DLG2: variants seen among roughly 807,000 people sequenced by gnomAD.
DLG2 encodes the protein discs large MAGUK scaffold protein 2.
Under a neutral mutation model 132.5 loss-of-function variants are expected in DLG2, and 45 were observed. The observed-to-expected ratio is 0.34, with a 90% CI of 0.27 to 0.44. The LOEUF is 0.44. DLG2 is among the 20% of genes least tolerant of loss of function. The probability of loss-of-function intolerance (pLI) is 1.00; values close to 1 mark genes in which losing one functional copy is unlikely to be tolerated. For missense variants in DLG2, 1,045 were observed against 1,196.9 expected, an observed-to-expected ratio of 0.87 and a Z score of 1.87; for synonymous variants, 424 against 419.6, an observed-to-expected ratio of 1.01 and a Z score of -0.13.
chr11:83,536,300 G>A (rs1366220887), intron 20 of DLG2, among the ~76,000 whole-genome samples: 1 of 152,148 alleles, frequency 6.6e-6, no homozygotes, highest in African/African-American at 2.4e-5. Flanking sequence ...ATGGAAATCT[G>A]CTTAGTTAAA....
chr11:85,289,271 C>A (rs539856440), intron 3 of DLG2, among the ~76,000 whole-genome samples: 3 of 152,156 alleles, frequency 2.0e-5, no homozygotes, highest in African/African-American at 7.2e-5. Context: ...CTCTTTTGCA[C>A]CCTCTTTCCT....
chr11:85,553,295 T>C (rs964159937), intron 3 of DLG2, among the ~76,000 whole-genome samples: 108 of 151,782 alleles, frequency 7.1e-4, no homozygotes, highest in African/African-American at 2.5e-3. Context: ...ACTTTTTATA[T>C]GCCAAACACT....
Position 84,575,641 on chromosome 11 carries a change from G to A in DLG2, c.358-40910C>T, listed in dbSNP as rs557602534. Among the ~76,000 whole-genome samples the A allele has an allele frequency of 3.8e-4, 58 of 152,236 alleles. 1 individual carries two copies. In the South Asian group the frequency reaches 0.012, roughly 30 times the overall value. On this transcript the variant is annotated intron_variant, in intron 6 of 27. Coordinates refer to ENST00000376104, the MANE Select transcript of DLG2 (RefSeq NM_001142699.3). ...GCATAATAATCACATCATAGTAAGTGGGGTATCTAACATCTCAAGTATGTA... is the reference window on the plus strand; with the variant it reads ...GCATAATAATCACATCATAGTAAGTAGGGTATCTAACATCTCAAGTATGTA...
chr11:83,721,738 TGTC>T (rs1212683982), intron 18 of DLG2, among the ~76,000 whole-genome samples: 3 of 152,244 alleles, frequency 2.0e-5, no homozygotes, highest in African/African-American at 4.8e-5. Context: ...ACTATGGGAA[TGTC>T]GACCTCAACG....
At chr11:84,722,751 G>C (rs2061974777) in intron 6 of DLG2, among the ~76,000 whole-genome samples, 1 of 152,172 alleles carries the variant, frequency 6.6e-6, no homozygotes. Context: ...AAGACCCTCA[G>C]AGTTGAGTTA....
intron 19 of DLG2, among the ~76,000 whole-genome samples, chr11:83,546,230 T>C (rs1270359752): frequency 1.3e-5 from 2 of 152,094 alleles, no homozygotes; most frequent in Non-Finnish European, 2.9e-5. Flanking sequence ...GCTTTTTAGG[T>C]GTCGCACAAT....
intron 6 of DLG2, among the ~76,000 whole-genome samples, chr11:84,725,346 A>T (rs192078462): frequency 1.6e-4 from 24 of 152,282 alleles, no homozygotes; most frequent in Middle Eastern, 3.4e-3. Context: ...ACAATCAAAC[A>T]TATAAGGTTT....
chr11:84,074,858 A>T (rs1382131067), intron 10 of DLG2, among the ~76,000 whole-genome samples: 1 of 152,094 alleles, frequency 6.6e-6, no homozygotes, highest in East Asian at 1.9e-4. Context: ...TTTAAATCAG[A>T]TAATATCAAT....
chr11:84,977,380 C>A (rs2055051271), intron 6 of DLG2, among the ~76,000 whole-genome samples: 1 of 152,158 alleles, frequency 6.6e-6, no homozygotes. Context: ...GCAAGTCATC[C>A]TTCATGACCC....
chr11:83,681,986 C>T (rs573485554), intron 18 of DLG2: 3 of 248,290 alleles, frequency 1.2e-5, no homozygotes, highest in East Asian at 1.8e-4. Context: ...ATTGATTCAT[C>T]GGCTTTTCTT....
At chr11:85,144,323 G>C (rs1207773115) in intron 5 of DLG2, among the ~76,000 whole-genome samples, 2 of 145,700 alleles carry the variant, frequency 1.4e-5, no homozygotes, top group Non-Finnish European at 3.0e-5. Flanking sequence ...GGTGAAGTGA[G>C]TTTTGTAGGC....
intron 12 of DLG2, among the ~76,000 whole-genome samples, chr11:83,966,425 G>T (rs1441784479): frequency 6.6e-6 from 1 of 151,924 alleles, no homozygotes; most frequent in Non-Finnish European, 1.5e-5. Flanking sequence ...TTTCTTTATT[G>T]CATGGAAAAG....
At chr11:83,945,622 G>A (rs955164534) in intron 14 of DLG2, among the ~76,000 whole-genome samples, 13 of 152,122 alleles carry the variant, frequency 8.5e-5, no homozygotes, top group African/African-American at 2.7e-4. Context: ...GTGCATATCC[G>A]CTACAGGTGT....
At chr11:84,352,651 G>A (rs1466418681) in intron 7 of DLG2, among the ~76,000 whole-genome samples, 1 of 152,074 alleles carries the variant, frequency 6.6e-6, no homozygotes, top group Non-Finnish European at 1.5e-5. Flanking sequence ...TCAATTCATT[G>A]GCGCAAGTAG....
At chr11:85,050,421 G>A (rs1228881112) in intron 6 of DLG2, among the ~76,000 whole-genome samples, 1 of 152,002 alleles carries the variant, frequency 6.6e-6, no homozygotes, top group Non-Finnish European at 1.5e-5. Flanking sequence ...GCTTTCCAAA[G>A]AAAGCATCAC....
chr11:84,400,083 A>G (rs1483438137), intron 7 of DLG2, among the ~76,000 whole-genome samples: 1 of 152,216 alleles, frequency 6.6e-6, no homozygotes, highest in African/African-American at 2.4e-5. Context: ...CAAATACGGC[A>G]TCTTTCCCAC....
chr11:83,724,256 AGTCT>A (rs2089447447), intron 18 of DLG2, among the ~76,000 whole-genome samples: 1 of 152,150 alleles, frequency 6.6e-6, no homozygotes, highest in Non-Finnish European at 1.5e-5. Context: ...TCAACATTCA[AGTCT>A]GTCTGGTTCT....
chr11:83,462,642 G>T (rs889133319), intron 26 of DLG2, among the ~76,000 whole-genome samples: 1 of 152,092 alleles, frequency 6.6e-6, no homozygotes, highest in Non-Finnish European at 1.5e-5. Flanking sequence ...TGGTTAAGGG[G>T]TATAAAATGC....
At chr11:85,007,571 C>T (rs1001364257) in intron 6 of DLG2, among the ~76,000 whole-genome samples, 1 of 144,618 alleles carries the variant, frequency 6.9e-6, no homozygotes, top group East Asian at 2.0e-4. Flanking sequence ...GAAGCTGAGG[C>T]AGGAGAATGG....
Sources: allele counts gnomAD v4.1 joint callset (sites outside exome capture counted in the v4.1 genomes callset), GRCh38; gene constraint gnomAD v4.1.1; transcripts MANE v1.5; gene names NCBI Gene and HGNC (gene_info 2026-07-23, HGNC 2026-07-21).